Variants in BCAR1 observed in about 807,000 individuals in gnomAD.
BCAR1 encodes the protein BCAR1 scaffold protein, Cas family member.
In BCAR1, 30 loss-of-function variants were observed where a neutral mutation model predicts 67.6. The ratio of observed to expected loss-of-function variants is 0.44; its 90% CI spans 0.33 to 0.60. The LOEUF is 0.60. Among genes scored for constraint, BCAR1 ranks in the 20% least tolerant of loss-of-function variants. The pLI is 0.02. For missense variants in BCAR1, 1,313 were observed against 1,222.3 expected (o/e 1.07, Z -1.11); for synonymous variants, 626 against 556.7 (o/e 1.12, Z -1.75).
intron 1 of BCAR1, among the ~76,000 whole-genome samples, chr16:75,262,304 C>G (rs565664441): frequency 6.6e-6 from 1 of 152,170 alleles, no homozygotes; most frequent in African/African-American, 2.4e-5. Flanking sequence ...CCAGAAGGCA[C>G]GAGAGACAGC....
chr16:75,230,092 G>A, intron 6 of BCAR1, 69 bp from the exon 7 acceptor site: 1 of 1,502,202 alleles, frequency 6.7e-7, no homozygotes, highest in Non-Finnish European at 8.9e-7. Context: ...CCGAGACCTG[G>A]GCACCCTGGG....
At chr16:75,248,366 A>T in intron 1 of BCAR1, 1 of 1,273,082 alleles carries the variant, frequency 7.9e-7, no homozygotes, top group East Asian at 3.7e-5. Context: ...ACTTGGGCCA[A>T]GTTTATTTCT....
At chr16:75,259,464 C>T (rs181683851) in intron 1 of BCAR1, among the ~76,000 whole-genome samples, 6 of 152,120 alleles carry the variant, frequency 3.9e-5, no homozygotes, top group Admixed American at 3.9e-4. Flanking sequence ...CAGACTCAGA[C>T]ACAGCACACT....
intron 1 of BCAR1, chr16:75,245,985 T>TTTTC (rs1223207079): frequency 1.1e-4 from 15 of 133,372 alleles, no homozygotes; most frequent in East Asian, 2.2e-4. Context: ...TTTTTTTTTT[T>TTTTC]TTTTTTTTGA....
Position 75,233,744 on chromosome 16 carries a change from A to G in BCAR1, c.2100+102T>C, listed in dbSNP as rs1179397409. The G allele has an allele frequency of 4.9e-6, 6 of 1,232,572 alleles. 1 individual carries two copies. Among genetic ancestry groups the G allele is most frequent in the African/African-American group, 4.5e-5 (3 of 66,206 alleles). 76.4% of individuals were successfully genotyped at this position (1,232,572 alleles called of 1,614,324 possible). On this transcript the variant is annotated intron_variant, in intron 6 of 6. Coordinates refer to ENST00000162330, the MANE Select transcript of BCAR1 (RefSeq NM_014567.5). ...GCCCAGCTCTGAGCACTGTCAGACA[A>G]CATGAGAAGCTGGGGACCCGGGGTC...
chr16:75,252,018 A>AC (rs1171685645), upstream of BCAR1: 1 of 663,450 alleles, frequency 1.5e-6, no homozygotes, highest in African/African-American at 1.8e-5. Context: ...CCGCTAACCA[A>AC]CCCCAGGGCA....
intron 4 of BCAR1, 83 bp from the exon 5 acceptor site, chr16:75,236,069 CACACACACGTACACACATACAG>C: frequency 1.4e-6 from 2 of 1,478,616 alleles, no homozygotes; most frequent in Non-Finnish European, 1.8e-6. Context: ...GCCACACACA[CACACACACGTACACACATACAG>C]ACACACACAC....
upstream of BCAR1, chr16:75,252,459 T>A: frequency 1.4e-6 from 2 of 1,413,630 alleles, no homozygotes; most frequent in East Asian, 5.1e-5. Context: ...GGAGACAACC[T>A]TGGCTCTCCT....
At chr16:75,261,578 G>A (rs571770735) in intron 1 of BCAR1, among the ~76,000 whole-genome samples, 1 of 152,368 alleles carries the variant, frequency 6.6e-6, no homozygotes, top group South Asian at 2.1e-4. Context: ...CTTGGAGCAG[G>A]GCAGCAGCTG....
intron 1 of BCAR1, among the ~76,000 whole-genome samples, chr16:75,251,243 C>G (rs1264277897): frequency 1.3e-5 from 2 of 151,948 alleles, no homozygotes; most frequent in African/African-American, 4.8e-5. Context: ...GCTGGCGGCC[C>G]CCGCGCCCGG....
chr16:75,265,472 G>C (rs1318633475), intron 1 of BCAR1, among the ~76,000 whole-genome samples: 1 of 152,182 alleles, frequency 6.6e-6, no homozygotes, highest in East Asian at 1.9e-4. Flanking sequence ...TAGCCGTCCT[G>C]GTGCGGGGTC....
intron 2 of BCAR1, among the ~76,000 whole-genome samples, chr16:75,240,925 C>A (rs1043462028): frequency 6.6e-6 from 1 of 152,240 alleles, no homozygotes; most frequent in Admixed American, 6.5e-5. Context: ...GCCTCGAGGC[C>A]GGGCTCTGTC....
chr16:75,237,254 C>A lies in BCAR1; in HGVS notation c.724G>T (p.Ala242Ser), dbSNP rs1324963046. The stretch of plus-strand genomic sequence containing the variant: ...TCATAGATGTCCTGTGGCCCCGGGG[C>A]CAGCAGGTGTCGCGGGATGTCGTAC... ...DEYDIPRHLL[A>S]PGPQDIYDVP... Residue 242 changes from alanine (A) to serine (S), a missense_variant, in exon 3 of 7, where the codon GCC becomes TCC. Coordinates refer to ENST00000162330, the MANE Select transcript of BCAR1 (RefSeq NM_014567.5). 3.9e-6 allele frequency: 6 copies of A among 1,528,358 alleles called. No individual in the cohort carries two copies. The highest frequency in any genetic ancestry group is 5.2e-6 in the Non-Finnish European group (6 of 1,143,098). 94.7% of individuals were successfully genotyped at this position (1,528,358 alleles called of 1,614,324 possible).
chr16:75,231,239 C>T (rs2076889636), intron 6 of BCAR1, among the ~76,000 whole-genome samples: 1 of 151,894 alleles, frequency 6.6e-6, no homozygotes, highest in South Asian at 2.1e-4. Flanking sequence ...CCTGCGCCAC[C>T]ACCCCTGGCT....
intron 2 of BCAR1, chr16:75,237,580 G>T: frequency 2.0e-6 from 1 of 507,872 alleles, no homozygotes; most frequent in East Asian, 3.5e-5. Flanking sequence ...CCTCGTCCTG[G>T]GCCAGGACAC....
chr16:75,251,825 G>T (rs2151463740), upstream of BCAR1: 1 of 259,090 alleles, frequency 3.9e-6, no homozygotes, highest in Non-Finnish European at 4.9e-6. Context: ...CCAGGCCCCT[G>T]CCCGAGGCCA....
At chr16:75,251,980 G>C, upstream of BCAR1, 1 of 609,098 alleles carries the variant, frequency 1.6e-6, no homozygotes, top group South Asian at 2.0e-5. Context: ...CCAGAGCCGA[G>C]ACATGGCCTC....
At position 75,266,836 on chromosome 16, in the gene BCAR1, C is replaced by T. The variant is rs535730993; in HGVS notation, c.66+1079G>A. ...TGTCCCGGAGGTCAGCGCTGCCCAC[C>T]CCAGGGAGGAAAGACGGAGCCAGCT... On this transcript the variant is annotated intron_variant, in intron 1 of 6. Transcript: ENST00000393422. 1.3e-5 allele frequency: 16 copies of T among 1,276,042 alleles called. No homozygotes were observed. In the East Asian group the frequency reaches 4.0e-4, roughly 32 times the overall value. 79.0% of individuals were successfully genotyped at this position (1,276,042 alleles called of 1,614,324 possible).
chr16:75,247,724 G>C, intron 1 of BCAR1: 1 of 331,562 alleles, frequency 3.0e-6, no homozygotes, highest in East Asian at 6.4e-5. Context: ...CAAACCAACT[G>C]CAGAGAACAC....
Sources: gnomAD v4.1 joint callset for allele counts (sites outside exome capture counted in the v4.1 genomes callset) on GRCh38, gnomAD v4.1.1 for gene constraint, MANE v1.5 for transcripts, NCBI Gene and HGNC (gene_info 2026-07-23, HGNC 2026-07-21) for gene names.